Variants in YWHAB observed in about 807,000 individuals in gnomAD.
YWHAB encodes the protein 14-3-3 protein beta/alpha.
A neutral mutation model predicts 28.5 loss-of-function variants in YWHAB; 2 were observed. The observed-to-expected ratio is 0.07, with a 90% CI of 0.03 to 0.22. The LOEUF (loss-of-function observed/expected upper bound fraction) is 0.22. Among genes scored for constraint, YWHAB ranks in the 10% least tolerant of loss-of-function variants. The pLI is 1.00. For synonymous variants in YWHAB, 103 were observed against 104.7 expected (o/e 0.98, Z 0.10); for missense variants, 148 against 297.1 (o/e 0.50, Z 3.69).
chr20:44,889,869 T>A (rs1438013286), intron 1 of YWHAB, among the ~76,000 whole-genome samples: 1 of 152,214 alleles, frequency 6.6e-6, no homozygotes, highest in Non-Finnish European at 1.5e-5. Flanking sequence ...AGTTCATAAT[T>A]GATCTTTAGG....
chr20:44,898,375 G>C (rs2066607672), intron 1 of YWHAB, among the ~76,000 whole-genome samples: 1 of 152,162 alleles, frequency 6.6e-6, no homozygotes, highest in Non-Finnish European at 1.5e-5. Context: ...CCTAGATTTT[G>C]AGTGTATCTT....
chr20:44,899,463 G>C (rs915850888), intron 1 of YWHAB, among the ~76,000 whole-genome samples: 2 of 152,222 alleles, frequency 1.3e-5, no homozygotes, highest in African/African-American at 4.8e-5. Context: ...CTGGGTGACA[G>C]AGTGAGACTC....
At chr20:44,891,234 G>A (rs1386800562) in intron 1 of YWHAB, among the ~76,000 whole-genome samples, 1 of 151,932 alleles carries the variant, frequency 6.6e-6, no homozygotes, top group Non-Finnish European at 1.5e-5. Flanking sequence ...CTCCCAATTA[G>A]CTGGGATTAC....
rs775632748 is a variant in YWHAB at position 44,906,504 on chromosome 20, TAAAAAAAAAAA to T, written c.*79_*89del. The T allele has an allele frequency of 5.3e-5, 19 of 358,378 alleles. No individual in the cohort carries two copies. Among genetic ancestry groups the T allele is most frequent in the South Asian group, 4.0e-4 (4 of 10,086 alleles). 22.2% of individuals were successfully genotyped at this position (358,378 alleles called of 1,614,324 possible). ...CCCTCAACATATATCCCTTGTGCGA[TAAAAAAAAAAA>T]AAAAAAAAAAAAGAGAATCGTACGT... On this transcript the variant is annotated 3_prime_UTR_variant, in exon 6 of 6. Coordinates refer to ENST00000353703, the MANE Select transcript of YWHAB (RefSeq NM_139323.4).
chr20:44,888,068 T>C (rs928495050), intron 1 of YWHAB, among the ~76,000 whole-genome samples: 1 of 152,212 alleles, frequency 6.6e-6, no homozygotes, highest in Non-Finnish European at 1.5e-5. Context: ...ATAGCACAAA[T>C]GGTAATGCAG....
At chr20:44,905,346 G>C in intron 4 of YWHAB, 2 of 446,920 alleles carry the variant, frequency 4.5e-6, no homozygotes, top group Non-Finnish European at 7.7e-6. Context: ...GTTTTTTGCG[G>C]GTGGTTGTAG....
rs913479739 is a variant in YWHAB, at chr20:44,904,019, C to G, written c.327C>G (p.Pro109=). The G allele has an allele frequency of 3.8e-6, 6 of 1,596,338 alleles. No homozygotes were observed. The Admixed American group carries it at 9.2e-5, about 25-fold the overall frequency. Residue 109 remains proline (P), a synonymous_variant, in exon 3 of 6, where the codon CCC becomes CCG. Transcript: ENST00000353703. ...VLELLDKYLI[P]NATQPESKVF... ...AGCTGTTGGACAAATATCTTATTCCCAATGCTACACAACCAGAAAGTAAGG... is the reference window on the plus strand; with the variant it reads ...AGCTGTTGGACAAATATCTTATTCCGAATGCTACACAACCAGAAAGTAAGG...
chr20:44,896,694 C>G (rs1464210583), intron 1 of YWHAB, among the ~76,000 whole-genome samples: 1 of 152,182 alleles, frequency 6.6e-6, no homozygotes, highest in Non-Finnish European at 1.5e-5. Context: ...GAAAGCATTG[C>G]CACTAGGGCA....
intron 1 of YWHAB, among the ~76,000 whole-genome samples, chr20:44,889,625 G>C (rs1363839997): frequency 6.6e-6 from 1 of 151,944 alleles, no homozygotes; most frequent in Non-Finnish European, 1.5e-5. Context: ...GTAGATATGA[G>C]TCCTGTCTAT....
Position 44,908,515 on chromosome 20 carries a change from CAGTT to C in YWHAB, c.*2082_*2085del, listed in dbSNP as rs2066673918. 6.6e-6 allele frequency: 1 copy of C among 152,578 alleles called. No individual in the cohort carries two copies. Among genetic ancestry groups the C allele is most frequent in the South Asian group, 2.1e-4 (1 of 4,830 alleles). 9.5% of individuals were successfully genotyped at this position (152,578 alleles called of 1,614,324 possible). A position where few individuals can be genotyped will look rare whatever the true frequency, so the allele number is the denominator to read the frequency against. On this transcript the variant is annotated 3_prime_UTR_variant, in exon 6 of 6. Coordinates refer to ENST00000353703, the MANE Select transcript of YWHAB (RefSeq NM_139323.4). ...TTCAAAAGTGAAATAAAAATTTTAT[CAGTT>C]AGTTGCCTGTGAATTGATGTGTCAC... is the stretch of plus-strand genomic sequence containing the variant.
intron 5 of YWHAB, 62 bp downstream of exon 5, chr20:44,906,158 G>C (rs1010881944): frequency 7.3e-7 from 1 of 1,371,444 alleles, no homozygotes; most frequent in Non-Finnish European, 1.0e-6. Flanking sequence ...ATAATTCACT[G>C]TTATCTTCAA....
chr20:44,901,089 C>CT (rs768680093), intron 1 of YWHAB, among the ~76,000 whole-genome samples: 4 of 152,080 alleles, frequency 2.6e-5, no homozygotes, highest in Non-Finnish European at 5.9e-5. Flanking sequence ...GCATAAACTT[C>CT]TAAAGAAATA....
At chr20:44,891,470 G>T (rs2066561656) in intron 1 of YWHAB, among the ~76,000 whole-genome samples, 1 of 152,200 alleles carries the variant, frequency 6.6e-6, no homozygotes, top group African/African-American at 2.4e-5. Context: ...TGGACTTGGT[G>T]TGCGGTACTG....
In YWHAB at chr20:44,907,293, C is replaced by G. The variant is rs1405694281; in HGVS notation, c.*855C>G. ...GGATAATACCTTTAAGAATAATGTC[C>G]TGAGTCAGGCGTGGTGGTGCGTGCA... On this transcript the variant is annotated 3_prime_UTR_variant, in exon 6 of 6. Coordinates refer to ENST00000353703, the MANE Select transcript of YWHAB (RefSeq NM_139323.4). The G allele has an allele frequency of 6.6e-6, 1 of 152,326 alleles. No homozygotes were observed. The highest frequency in any genetic ancestry group is 1.5e-5 in the Non-Finnish European group (1 of 68,018). 9.4% of individuals were successfully genotyped at this position (152,326 alleles called of 1,614,324 possible). A position where few individuals can be genotyped will look rare whatever the true frequency, so the allele number is the denominator to read the frequency against.
intron 2 of YWHAB, chr20:44,903,729 A>T (rs955264177): frequency 3.2e-6 from 1 of 309,888 alleles, no homozygotes; most frequent in Non-Finnish European, 6.0e-6. Flanking sequence ...GCTCTGCATC[A>T]TTTTAAAGGC....
At chr20:44,896,676 G>A (rs554652763) in intron 1 of YWHAB, among the ~76,000 whole-genome samples, 1 of 152,336 alleles carries the variant, frequency 6.6e-6, no homozygotes, top group South Asian at 2.1e-4. Flanking sequence ...TGTAGATAAT[G>A]AGTGACTGAA....
Position 44,908,367 on chromosome 20 carries a change from G to A in YWHAB, c.*1929G>A, listed in dbSNP as rs527649016. 2.0e-5 allele frequency: 3 copies of A among 152,652 alleles called. No individual in the cohort carries two copies. The highest frequency in any genetic ancestry group is 3.9e-4 in the East Asian group (2 of 5,184). The allele number at this position is 152,652 out of a possible 1,614,324, so 9.5% of individuals were successfully genotyped here. A position where few individuals can be genotyped will look rare whatever the true frequency, so the allele number is the denominator to read the frequency against. On this transcript the variant is annotated 3_prime_UTR_variant, in exon 6 of 6. Transcript: ENST00000353703. ...GTTATATTGCCTAGCAAGCACACCC[G>A]TGGTTGTGAAAATAGTATAGCAAAA...
Position 44,898,869 on chromosome 20 carries a change from C to T in YWHAB, c.-3-2662C>T, listed in dbSNP as rs868228391. Reference sequence around the variant, plus strand: ...CGGTGGCTCACACCTGTAATTCCAGCACTTTGGGAGGCCGAGGCAGGCAGA... The same window carrying T: ...CGGTGGCTCACACCTGTAATTCCAGTACTTTGGGAGGCCGAGGCAGGCAGA... On this transcript the variant is annotated intron_variant, in intron 1 of 5. Transcript: ENST00000353703. 3.2e-4 allele frequency among the ~76,000 whole-genome samples: 49 copies of T among 152,042 alleles called. No homozygotes were observed. The Middle Eastern group carries it at 0.01, about 32-fold the overall frequency.
chr20:44,886,434 C>T (rs1019213165), intron 1 of YWHAB: 3 of 152,268 alleles, frequency 2.0e-5, no homozygotes, highest in Non-Finnish European at 4.4e-5. Flanking sequence ...TTTCATCATC[C>T]TTCACTGGTT....
Sources: allele counts gnomAD v4.1 joint callset (sites outside exome capture counted in the v4.1 genomes callset), GRCh38; gene constraint gnomAD v4.1.1; transcripts MANE v1.5; gene names NCBI Gene and HGNC (gene_info 2026-07-23, HGNC 2026-07-21).